Variants in MYO5B observed in about 807,000 individuals in gnomAD.
The protein encoded by MYO5B is unconventional myosin-Vb.
A neutral mutation model predicts 229.3 loss-of-function variants in MYO5B; 143 were observed. The observed-to-expected ratio is 0.62, with a 90% CI of 0.54 to 0.72. The LOEUF is 0.72. Ranked by LOEUF, MYO5B falls within the 30% of genes least tolerant of loss-of-function variation. The probability of loss-of-function intolerance (pLI) is 0.00; values close to 1 mark genes in which losing one functional copy is unlikely to be tolerated. For missense variants in MYO5B, 2,321 were observed against 2,331.0 expected (o/e 1.00, Z 0.09); for synonymous variants, 918 against 885.2 (o/e 1.04, Z -0.66).
intron 1 of MYO5B, among the ~76,000 whole-genome samples, chr18:50,077,167 G>GGAAAAAAAAAAA (rs1491444483): frequency 3.8e-5 from 1 of 26,612 alleles, no homozygotes; most frequent in Non-Finnish European, 8.0e-5. Flanking sequence ...TTGTGGCAAA[G>GGAAAAAAAAAAA]TAAAAAAAAA....
chr18:49,924,031 C>A (rs1004449221), intron 17 of MYO5B, among the ~76,000 whole-genome samples: 3 of 152,152 alleles, frequency 2.0e-5, no homozygotes, highest in African/African-American at 7.2e-5. Context: ...CAGTGATCCT[C>A]AACAGTTTAA....
At chr18:50,080,957 T>C (rs921601912) in intron 1 of MYO5B, among the ~76,000 whole-genome samples, 2 of 152,216 alleles carry the variant, frequency 1.3e-5, no homozygotes, top group African/African-American at 2.4e-5. Flanking sequence ...CTTTAAAATA[T>C]TGAATTTCAT....
chr18:50,019,552 T>C (rs969825590), intron 4 of MYO5B, among the ~76,000 whole-genome samples: 5 of 152,262 alleles, frequency 3.3e-5, no homozygotes, highest in Non-Finnish European at 7.3e-5. Flanking sequence ...CAAAACTAAA[T>C]TGCCATAATG....
intron 9 of MYO5B, 38 bp from the exon 10 acceptor site, chr18:49,974,653 G>A (rs1259648549): frequency 1.9e-6 from 3 of 1,600,998 alleles, no homozygotes; most frequent in Non-Finnish European, 2.6e-6. Flanking sequence ...GGAGGAGTGT[G>A]GGAGACAAGC....
intron 2 of MYO5B, among the ~76,000 whole-genome samples, chr18:50,047,041 T>C (rs1473961827): frequency 2.0e-5 from 3 of 152,168 alleles, no homozygotes; most frequent in African/African-American, 7.2e-5. Context: ...AAGGACTTCA[T>C]GTCTAAAACA....
intron 20 of MYO5B, among the ~76,000 whole-genome samples, 189 bp from the exon 21 acceptor site, chr18:49,903,022 G>A (rs1000890835): frequency 5.3e-5 from 8 of 152,190 alleles, no homozygotes; most frequent in Admixed American, 1.3e-4. Flanking sequence ...GAGGTTCTGC[G>A]CCTACATATC....
intron 4 of MYO5B, among the ~76,000 whole-genome samples, chr18:50,008,638 A>T (rs117427187): frequency 0.032 from 4,864 of 152,242 alleles, 113 homozygotes; most frequent in Non-Finnish European, 0.048. Flanking sequence ...AGGTGGGAAC[A>T]ACACTCACTT....
At chr18:49,929,420 C>T (rs966184879) in intron 17 of MYO5B, 92 bp downstream of exon 17, 2 of 1,019,354 alleles carry the variant, frequency 2.0e-6, no homozygotes, top group Non-Finnish European at 2.9e-6. Context: ...GGATCTGTTT[C>T]TGGCCGACGG....
At chr18:49,886,404 CAGG>C (rs1238291513) in intron 22 of MYO5B, among the ~76,000 whole-genome samples, 3 of 152,120 alleles carry the variant, frequency 2.0e-5, no homozygotes, top group African/African-American at 7.2e-5. Context: ...AAAAGTTGTC[CAGG>C]TAATTCTGAG....
At chr18:49,966,546 A>G (rs1017487507) in intron 10 of MYO5B, among the ~76,000 whole-genome samples, 7 of 152,204 alleles carry the variant, frequency 4.6e-5, no homozygotes, top group African/African-American at 1.4e-4. Flanking sequence ...CCCAGAGGAA[A>G]TTGAATTAAT....
chr18:49,983,003 T>C (rs535217774), intron 8 of MYO5B, among the ~76,000 whole-genome samples: 134 of 152,314 alleles, frequency 8.8e-4, no homozygotes, highest in Admixed American at 2.6e-3. Context: ...CTCCTTTCTC[T>C]GATAAATTCA....
intron 34 of MYO5B, 138 bp from the exon 35 acceptor site, chr18:49,841,592 G>T: frequency 3.8e-6 from 3 of 782,766 alleles, no homozygotes; most frequent in Non-Finnish European, 6.6e-6. Flanking sequence ...GCACTTGCCA[G>T]TCACGGGGTT....
At chr18:50,050,677 T>C (rs974584069) in intron 2 of MYO5B, among the ~76,000 whole-genome samples, 1 of 152,218 alleles carries the variant, frequency 6.6e-6, no homozygotes, top group Non-Finnish European at 1.5e-5. Flanking sequence ...AGAGAAACGC[T>C]TCTCCACACC....
At chr18:50,008,062 G>GT (rs1224373481) in intron 4 of MYO5B, among the ~76,000 whole-genome samples, 2 of 152,092 alleles carry the variant, frequency 1.3e-5, no homozygotes, top group Non-Finnish European at 2.9e-5. Flanking sequence ...TTATACTCCT[G>GT]TATCTCTGTA....
chr18:49,925,475 G>T (rs2025119167), intron 17 of MYO5B, among the ~76,000 whole-genome samples: 1 of 152,234 alleles, frequency 6.6e-6, no homozygotes, highest in East Asian at 1.9e-4. Flanking sequence ...TGCGTCATGG[G>T]CCAATGGTCA....
At position 49,970,460 on chromosome 18, in the gene MYO5B, C is replaced by T. The variant is rs1300395458; in HGVS notation, c.1322+3890G>A. 3.3e-5 allele frequency among the ~76,000 whole-genome samples: 5 copies of T among 152,154 alleles called. No individual in the cohort carries two copies. In the East Asian group the frequency reaches 7.7e-4, roughly 23 times the overall value. On this transcript the variant is annotated intron_variant, in intron 10 of 39. Transcript: ENST00000285039. Reference sequence around the variant, plus strand: ...ATGGTGGAAGCAGCTGTGGCCCATGCTAATTTGTTTAGAAGCCCACAGCCT... The same window carrying T: ...ATGGTGGAAGCAGCTGTGGCCCATGTTAATTTGTTTAGAAGCCCACAGCCT...
chr18:50,016,681 C>A (rs2026219012), intron 4 of MYO5B, among the ~76,000 whole-genome samples: 2 of 152,152 alleles, frequency 1.3e-5, no homozygotes, highest in South Asian at 2.1e-4. Context: ...ATATATCATA[C>A]AATTCACCCA....
At chr18:49,984,969 C>A in intron 7 of MYO5B, 144 bp from the exon 8 acceptor site, 1 of 696,852 alleles carries the variant, frequency 1.4e-6, no homozygotes. Flanking sequence ...TTAAAATAGT[C>A]TTTATCCACA....
chr18:50,025,594 G>A (rs2026322320), intron 4 of MYO5B, among the ~76,000 whole-genome samples: 1 of 152,216 alleles, frequency 6.6e-6, no homozygotes, highest in African/African-American at 2.4e-5. Flanking sequence ...AACAGTATAT[G>A]TTTATTATAT....
Sources: gnomAD v4.1 joint callset for allele counts (sites outside exome capture counted in the v4.1 genomes callset) on GRCh38, gnomAD v4.1.1 for gene constraint, MANE v1.5 for transcripts, NCBI Gene and HGNC (gene_info 2026-07-23, HGNC 2026-07-21) for gene names.